STAG1: variants seen among roughly 807,000 people sequenced by gnomAD.
STAG1 encodes the protein STAG1 cohesin complex component.
A neutral mutation model predicts 170.9 loss-of-function variants in STAG1; 26 were observed. The ratio of observed to expected loss-of-function variants is 0.15; its 90% CI spans 0.11 to 0.21. The LOEUF is 0.21. STAG1 is among the 10% of genes least tolerant of loss of function. The pLI, the probability that STAG1 is intolerant of heterozygous loss-of-function variation, is 1.00. For missense variants in STAG1, 964 were observed against 1,509.5 expected, an observed-to-expected ratio of 0.64 and a Z score of 5.99; for synonymous variants, 514 against 497.7, an observed-to-expected ratio of 1.03 and a Z score of -0.44.
chr3:136,636,748 A>G (rs1408273147), intron 1 of STAG1, among the ~76,000 whole-genome samples: 1 of 152,262 alleles, frequency 6.6e-6, no homozygotes, highest in Non-Finnish European at 1.5e-5. Context: ...ATAAATGTTA[A>G]GCTTTACATA....
intron 1 of STAG1, among the ~76,000 whole-genome samples, chr3:136,717,555 G>A (rs1026828367): frequency 6.6e-6 from 1 of 152,096 alleles, no homozygotes; most frequent in Non-Finnish European, 1.5e-5. Context: ...TCTCAGCTAC[G>A]TGGGAGGCTG....
intron 7 of STAG1, among the ~76,000 whole-genome samples, chr3:136,512,622 C>G (rs1559850258): frequency 6.6e-6 from 1 of 152,086 alleles, no homozygotes; most frequent in Non-Finnish European, 1.5e-5. Flanking sequence ...TTCATTCTAT[C>G]TAACTCCAAA....
intron 7 of STAG1, among the ~76,000 whole-genome samples, chr3:136,513,181 CACATCTCT>C (rs1273467492): frequency 6.6e-6 from 1 of 151,954 alleles, no homozygotes; most frequent in Non-Finnish European, 1.5e-5. Context: ...ATGGTGAAAC[CACATCTCT>C]ACTAAAAATG....
intron 3 of STAG1, among the ~76,000 whole-genome samples, chr3:136,607,267 A>G (rs528939254): frequency 3.9e-5 from 6 of 152,302 alleles, no homozygotes; most frequent in Admixed American, 2.6e-4. Flanking sequence ...CTCATTGAGG[A>G]AGTATTTACA....
At chr3:136,486,557 A>G (rs1157180776) in intron 9 of STAG1, among the ~76,000 whole-genome samples, 1 of 152,226 alleles carries the variant, frequency 6.6e-6, no homozygotes, top group Non-Finnish European at 1.5e-5. Flanking sequence ...TTCCTCTGCT[A>G]TACTACCCTT....
chr3:136,600,698 A>G (rs1353623342), intron 4 of STAG1, among the ~76,000 whole-genome samples: 1 of 149,776 alleles, frequency 6.7e-6, no homozygotes, highest in Admixed American at 6.7e-5. Flanking sequence ...TGCCCAGCTA[A>G]TTTTTTTTTT....
chr3:136,574,879 G>A (rs545183652), intron 4 of STAG1, among the ~76,000 whole-genome samples: 1 of 152,222 alleles, frequency 6.6e-6, no homozygotes, highest in South Asian at 2.1e-4. Context: ...TTCTTTTCAA[G>A]TACAAACAAG....
At chr3:136,711,876 T>C (rs1314939573) in intron 1 of STAG1, among the ~76,000 whole-genome samples, 3 of 152,102 alleles carry the variant, frequency 2.0e-5, no homozygotes, top group African/African-American at 4.8e-5. Context: ...ATTACATATC[T>C]AAATGAGAGA....
At chr3:136,354,255 T>A (rs1302137472) in intron 28 of STAG1, among the ~76,000 whole-genome samples, 1 of 152,146 alleles carries the variant, frequency 6.6e-6, no homozygotes, top group Non-Finnish European at 1.5e-5. Flanking sequence ...AGAATTAAAG[T>A]TTCTGTATTT....
At chr3:136,686,614 A>G (rs1476784826) in intron 1 of STAG1, among the ~76,000 whole-genome samples, 1 of 152,236 alleles carries the variant, frequency 6.6e-6, no homozygotes, top group Non-Finnish European at 1.5e-5. Flanking sequence ...AAGAACAGTA[A>G]CATAATAAAT....
chr3:136,660,301 C>T (rs1055237882), intron 1 of STAG1, among the ~76,000 whole-genome samples: 1 of 152,062 alleles, frequency 6.6e-6, no homozygotes. Context: ...AATTCAAAAA[C>T]TTGTCTCTGC....
At chr3:136,529,242 A>G (rs935585856) in intron 6 of STAG1, among the ~76,000 whole-genome samples, 3 of 152,150 alleles carry the variant, frequency 2.0e-5, no homozygotes, top group Admixed American at 6.5e-5. Flanking sequence ...CTACTTAATA[A>G]AATAATAGAT....
intron 15 of STAG1, among the ~76,000 whole-genome samples, chr3:136,436,772 CAAAGA>C (rs1351494814): frequency 6.6e-6 from 1 of 152,004 alleles, no homozygotes; most frequent in East Asian, 1.9e-4. Context: ...GGAGCAAAAT[CAAAGA>C]AAAGGCAAAA....
intron 29 of STAG1, among the ~76,000 whole-genome samples, chr3:136,347,224 T>C (rs562984994): frequency 9.9e-4 from 150 of 151,322 alleles, no homozygotes; most frequent in African/African-American, 3.3e-3. Flanking sequence ...GGTGAACCCC[T>C]ATCTCTACTA....
chr3:136,716,468 A>C (rs1191343534), intron 1 of STAG1, among the ~76,000 whole-genome samples: 1 of 151,974 alleles, frequency 6.6e-6, no homozygotes, highest in Admixed American at 6.6e-5. Context: ...ATCTCAAAAA[A>C]GAAAAAAAAA....
chr3:136,579,175 T>C (rs1466563129), intron 4 of STAG1, among the ~76,000 whole-genome samples: 2 of 152,242 alleles, frequency 1.3e-5, no homozygotes, highest in African/African-American at 4.8e-5. Context: ...CCCCTGGAAC[T>C]TGATATGCAG....
chr3:136,462,494 TCTCCTGGAGGGG>T (rs1190592830), intron 13 of STAG1, among the ~76,000 whole-genome samples: 1 of 151,934 alleles, frequency 6.6e-6, no homozygotes, highest in Non-Finnish European at 1.5e-5. Context: ...AAAAGATTGA[TCTCCTGGAGGGG>T]CAGTAGAATG....
At chr3:136,543,909 T>A (rs1286572458) in intron 5 of STAG1, among the ~76,000 whole-genome samples, 2 of 152,168 alleles carry the variant, frequency 1.3e-5, no homozygotes, top group African/African-American at 4.8e-5. Flanking sequence ...TTTTTTCTGA[T>A]ACATTATCGT....
intron 21 of STAG1, among the ~76,000 whole-genome samples, chr3:136,406,394 A>C (rs1675599467): frequency 6.6e-6 from 1 of 152,214 alleles, no homozygotes; most frequent in African/African-American, 2.4e-5. Context: ...CAGGAGCTTC[A>C]GTTGGGGTGA....
Sources: allele counts gnomAD v4.1 joint callset (sites outside exome capture counted in the v4.1 genomes callset), GRCh38; gene constraint gnomAD v4.1.1; transcripts MANE v1.5; gene names NCBI Gene and HGNC (gene_info 2026-07-23, HGNC 2026-07-21).